PCDH7: variants seen among roughly 807,000 people sequenced by gnomAD.
The protein encoded by PCDH7 is protocadherin-7.
PCDH7 carries 17 observed loss-of-function variants against 58.9 expected under a neutral mutation model. The ratio of observed to expected loss-of-function variants is 0.29; its 90% CI spans 0.20 to 0.43. The LOEUF is 0.43. Among genes scored for constraint, PCDH7 ranks in the 20% least tolerant of loss-of-function variants. The probability of loss-of-function intolerance (pLI) is 1.00; values close to 1 mark genes in which losing one functional copy is unlikely to be tolerated. For missense variants in PCDH7, 1,274 were observed against 1,441.0 expected, an observed-to-expected ratio of 0.88 and a Z score of 1.88; for synonymous variants, 664 against 616.4, an observed-to-expected ratio of 1.08 and a Z score of -1.14.
intron 3 of PCDH7, among the ~76,000 whole-genome samples, chr4:31,008,781 T>G (rs536725856): frequency 6.6e-6 from 1 of 152,264 alleles, no homozygotes; most frequent in Non-Finnish European, 1.5e-5. Flanking sequence ...TAGTAAAGTT[T>G]GTTTTAAAAG....
At chr4:30,953,585 A>T (rs749901451) in intron 3 of PCDH7, among the ~76,000 whole-genome samples, 1 of 152,062 alleles carries the variant, frequency 6.6e-6, no homozygotes, top group East Asian at 1.9e-4. Context: ...AAAAAGAGGT[A>T]CAGATTAAAG....
intron 3 of PCDH7, among the ~76,000 whole-genome samples, chr4:31,009,165 A>G (rs902156863): frequency 4.3e-4 from 66 of 152,090 alleles, no homozygotes; most frequent in African/African-American, 1.6e-3. Context: ...ATATTGTGTA[A>G]TGTTTTATTT....
intron 3 of PCDH7, among the ~76,000 whole-genome samples, chr4:31,014,644 AT>A (rs1269939977): frequency 6.6e-6 from 1 of 152,166 alleles, no homozygotes; most frequent in Non-Finnish European, 1.5e-5. Context: ...ATGAGAATAC[AT>A]TTTTTTCTGT....
chr4:30,838,549 G>T (rs1435726651), intron 1 of PCDH7, among the ~76,000 whole-genome samples: 1 of 152,130 alleles, frequency 6.6e-6, no homozygotes, highest in South Asian at 2.1e-4. Flanking sequence ...CCACGTGGAA[G>T]TGATCTATCA....
intron 3 of PCDH7, among the ~76,000 whole-genome samples, chr4:31,063,921 G>A (rs1418480328): frequency 1.3e-5 from 2 of 151,884 alleles, no homozygotes; most frequent in Admixed American, 1.3e-4. Context: ...TAAGTAGCTG[G>A]TAGTAACTGG....
chr4:30,789,171 G>C (rs1296006336), intron 1 of PCDH7, among the ~76,000 whole-genome samples: 1 of 152,102 alleles, frequency 6.6e-6, no homozygotes, highest in East Asian at 1.9e-4. Context: ...CAGTACCCAA[G>C]TACAAAATCA....
In PCDH7 at chr4:31,012,440, A is replaced by G. The variant is rs193299995; in HGVS notation, c.*7+62225A>G. Among the ~76,000 whole-genome samples, 340 of 150,646 alleles carry G rather than the reference A, an allele frequency of 2.3e-3. 16 individuals are homozygous for G. The highest frequency in any genetic ancestry group is 6.8e-3 in the Middle Eastern group (2 of 294). ...AGCAAAACAGCAACACTCACAGAAT[A>G]CTTGTCTAAACTTAAGGTTTGATGC... On this transcript the variant is annotated intron_variant, in intron 3 of 3. Transcript: ENST00000509759.
intron 3 of PCDH7, among the ~76,000 whole-genome samples, chr4:30,987,426 T>C (rs1476731749): frequency 6.6e-6 from 1 of 152,126 alleles, no homozygotes; most frequent in Non-Finnish European, 1.5e-5. Context: ...TCCATGAACC[T>C]CATTTAATAG....
intron 1 of PCDH7, among the ~76,000 whole-genome samples, chr4:30,775,412 T>C (rs1486336145): frequency 2.0e-5 from 3 of 152,178 alleles, no homozygotes; most frequent in African/African-American, 7.2e-5. Context: ...TGTGTGTGTG[T>C]ATATTCAGAA....
At chr4:30,977,965 C>T (rs1221810447) in intron 3 of PCDH7, among the ~76,000 whole-genome samples, 2 of 152,118 alleles carry the variant, frequency 1.3e-5, no homozygotes, top group Non-Finnish European at 2.9e-5. Flanking sequence ...TCCTTAGCTT[C>T]GTATAAATCT....
At chr4:30,751,660 C>G (rs1025796096) in intron 1 of PCDH7, among the ~76,000 whole-genome samples, 1 of 151,982 alleles carries the variant, frequency 6.6e-6, no homozygotes, top group Non-Finnish European at 1.5e-5. Flanking sequence ...GTTTATTAAT[C>G]TTTGTGACCT....
chr4:30,880,355 G>A (rs908384727), intron 1 of PCDH7, among the ~76,000 whole-genome samples: 1 of 151,572 alleles, frequency 6.6e-6, no homozygotes, highest in Non-Finnish European at 1.5e-5. Context: ...TATATAAAGA[G>A]CTTAATTAAA....
chr4:31,056,093 G>A (rs1039408514), intron 3 of PCDH7, among the ~76,000 whole-genome samples: 5 of 152,200 alleles, frequency 3.3e-5, no homozygotes, highest in Admixed American at 3.3e-4. Context: ...TGAGAGCCGG[G>A]CGTGGTGGCT....
At chr4:31,036,188 C>A (rs1755395722) in intron 3 of PCDH7, among the ~76,000 whole-genome samples, 1 of 152,096 alleles carries the variant, frequency 6.6e-6, no homozygotes, top group African/African-American at 2.4e-5. Flanking sequence ...AATTGTAGTT[C>A]TTTTTTTGTA....
intron 3 of PCDH7, among the ~76,000 whole-genome samples, chr4:30,956,000 C>T (rs1022292617): frequency 1.1e-4 from 16 of 148,880 alleles, no homozygotes; most frequent in African/African-American, 3.2e-4. Flanking sequence ...CTGGCTAACA[C>T]GGTGAAACCC....
chr4:30,877,220 G>A (rs545102074), intron 1 of PCDH7, among the ~76,000 whole-genome samples: 2 of 152,210 alleles, frequency 1.3e-5, no homozygotes, highest in African/African-American at 4.8e-5. Flanking sequence ...GAAAACAAAA[G>A]CTAGACAGGC....
chr4:30,956,254 G>A (rs552384067), intron 3 of PCDH7, among the ~76,000 whole-genome samples: 7 of 151,438 alleles, frequency 4.6e-5, no homozygotes, highest in African/African-American at 1.5e-4. Flanking sequence ...GAATTCCAAT[G>A]CTAATGGTCT....
At chr4:31,087,591 G>A (rs1010134245) in intron 3 of PCDH7, among the ~76,000 whole-genome samples, 1 of 151,978 alleles carries the variant, frequency 6.6e-6, no homozygotes, top group Non-Finnish European at 1.5e-5. Context: ...TAGAATGGTG[G>A]GCAGGAACAA....
At chr4:30,731,093 A>C in exon 2 of PCDH7, 1 of 1,085,838 alleles carries the variant, frequency 9.2e-7, no homozygotes, top group Non-Finnish European at 1.1e-6. Context: ...CTTTTAAAAA[A>C]TCCAAAAGCA....
Sources: allele counts gnomAD v4.1 joint callset (sites outside exome capture counted in the v4.1 genomes callset), GRCh38; gene constraint gnomAD v4.1.1; transcripts MANE v1.5; gene names NCBI Gene and HGNC (gene_info 2026-07-23, HGNC 2026-07-21).